The following PRKN variants were observed in gnomAD, a reference collection of about 807,000 sequenced individuals.
PRKN encodes the protein parkin RBR E3 ubiquitin protein ligase.
Under a neutral mutation model 59.5 loss-of-function variants are expected in PRKN, and 56 were observed. The ratio of observed to expected loss-of-function variants is 0.94; its 90% confidence interval spans 0.76 to 1.18. PRKN has a LOEUF of 1.18. PRKN is among the 50% of genes most tolerant of loss of function. The probability of loss-of-function intolerance (pLI) is 0.00; values close to 1 mark genes in which losing one functional copy is unlikely to be tolerated. For synonymous variants in PRKN, 250 were observed against 222.1 expected (o/e 1.13, Z -1.12); for missense variants, 657 against 596.4 (o/e 1.10, Z -1.06).
chr6:162,082,803 G>T (rs924586341), intron 4 of PRKN, among the ~76,000 whole-genome samples: 1 of 152,034 alleles, frequency 6.6e-6, no homozygotes, highest in African/African-American at 2.4e-5. Flanking sequence ...GAGGGAGAGA[G>T]ATGTGGGGAT....
intron 4 of PRKN, among the ~76,000 whole-genome samples, chr6:162,189,539 T>G (rs1191720474): frequency 4.0e-5 from 6 of 151,176 alleles, no homozygotes; most frequent in Admixed American, 4.0e-4. Context: ...ATAATAATAA[T>G]AGTAATAAGA....
intron 1 of PRKN, among the ~76,000 whole-genome samples, chr6:162,617,717 CCTGA>C (rs1373226047): frequency 9.2e-5 from 14 of 151,984 alleles, no homozygotes; most frequent in African/African-American, 3.4e-4. Flanking sequence ...TCTTTCTGTG[CCTGA>C]CTTATTTCAC....
At chr6:161,708,945 G>T (rs1284505248) in intron 7 of PRKN, among the ~76,000 whole-genome samples, 1 of 152,202 alleles carries the variant, frequency 6.6e-6, no homozygotes, top group Non-Finnish European at 1.5e-5. Flanking sequence ...GTGAAGGAAA[G>T]GTTACACATC....
intron 6 of PRKN, among the ~76,000 whole-genome samples, chr6:161,930,839 G>C (rs1562398153): frequency 6.6e-6 from 1 of 152,152 alleles, no homozygotes; most frequent in East Asian, 1.9e-4. Flanking sequence ...AGTGACACAA[G>C]AAAGAGTCCA....
chr6:162,493,966 T>G (rs867174109), intron 1 of PRKN, among the ~76,000 whole-genome samples: 33 of 152,204 alleles, frequency 2.2e-4, no homozygotes, highest in African/African-American at 8.0e-4. Context: ...CACTCTGCAA[T>G]GTGGTGACTG....
chr6:162,489,924 G>A (rs1440059464), intron 1 of PRKN, among the ~76,000 whole-genome samples: 1 of 152,128 alleles, frequency 6.6e-6, no homozygotes, highest in Non-Finnish European at 1.5e-5. Flanking sequence ...TTTCTAAGAA[G>A]TGTCTTTATA....
chr6:162,464,433 G>T (rs970020186), intron 1 of PRKN, among the ~76,000 whole-genome samples: 10 of 151,998 alleles, frequency 6.6e-5, no homozygotes, highest in Non-Finnish European at 2.9e-5. Context: ...ATTGAACTTT[G>T]ATTTTAAAAA....
Position 161,906,659 on chromosome 6 carries a change from C to CATATATATATATAATATAT in PRKN, c.734+66642_734+66643insATATATTATATATATATAT, listed in dbSNP as rs1297131189. Among the ~76,000 whole-genome samples, 26 of 116,628 alleles carry CATATATATATATAATATAT rather than the reference C, an allele frequency of 2.2e-4. 1 individual carries two copies. Among genetic ancestry groups the CATATATATATATAATATAT allele is most frequent in the African/African-American group, 8.1e-4 (23 of 28,248 alleles). 76.5% of individuals were successfully genotyped at this position (116,628 alleles called of 152,430 possible). ...AGAGGGACAAATCTAATAGAACATA[C>CATATATATATATAATATAT]ATATATATATATATATGTATATATG... On this transcript the variant is annotated intron_variant, in intron 6 of 11. Coordinates refer to ENST00000366898, the MANE Select transcript of PRKN (RefSeq NM_004562.3).
At chr6:162,010,269 A>ATT (rs1782447979) in intron 5 of PRKN, among the ~76,000 whole-genome samples, 1 of 127,950 alleles carries the variant, frequency 7.8e-6, no homozygotes, top group African/African-American at 3.0e-5. Context: ...TATTTTATAT[A>ATT]TATTATGTAT....
At chr6:162,630,761 C>T (rs1783081033) in intron 1 of PRKN, among the ~76,000 whole-genome samples, 1 of 152,020 alleles carries the variant, frequency 6.6e-6, no homozygotes, top group Admixed American at 6.6e-5. Flanking sequence ...AATCAGATAT[C>T]AATACATTGT....
intron 1 of PRKN, among the ~76,000 whole-genome samples, chr6:162,726,941 T>C (rs1779238989): frequency 6.6e-6 from 1 of 152,000 alleles, no homozygotes; most frequent in African/African-American, 2.4e-5. Flanking sequence ...CAAGTGTTCA[T>C]GAACAACTCT....
intron 7 of PRKN, among the ~76,000 whole-genome samples, chr6:161,766,284 A>C (rs1423193971): frequency 2.0e-5 from 3 of 150,600 alleles, no homozygotes. Context: ...ACTAAAACAG[A>C]AAAAACTTAT....
At chr6:162,479,039 CCT>C (rs1295766864) in intron 1 of PRKN, among the ~76,000 whole-genome samples, 1 of 152,068 alleles carries the variant, frequency 6.6e-6, no homozygotes, top group Non-Finnish European at 1.5e-5. Flanking sequence ...CATTTCCTTT[CCT>C]CTGTGATAAA....
intron 2 of PRKN, among the ~76,000 whole-genome samples, chr6:162,435,326 T>C (rs988718076): frequency 2.0e-5 from 3 of 152,204 alleles, no homozygotes; most frequent in African/African-American, 7.2e-5. Flanking sequence ...CTTCAGCATC[T>C]TATAAGCTAT....
chr6:161,593,375 T>A lies in PRKN; in HGVS notation c.872-23959A>T, dbSNP rs894146156. 2.5e-4 allele frequency among the ~76,000 whole-genome samples: 38 copies of A among 152,214 alleles called. No individual in the cohort carries two copies. Among genetic ancestry groups the A allele is most frequent in the African/African-American group, 8.7e-4 (36 of 41,540 alleles). On this transcript the variant is annotated intron_variant, in intron 7 of 11. Transcript: ENST00000366898. The surrounding 1 kb of genome is among the most constrained non-coding windows in gnomAD (Gnocchi z 4.8). ...GAAAGGTGCATAAACCTGCCCAGTGTCACAAAACTAATATATGGTGAGGCT... is the reference window on the plus strand; with the variant it reads ...GAAAGGTGCATAAACCTGCCCAGTGACACAAAACTAATATATGGTGAGGCT...
intron 6 of PRKN, among the ~76,000 whole-genome samples, chr6:161,920,404 A>G (rs1477041292): frequency 6.6e-6 from 1 of 151,832 alleles, no homozygotes; most frequent in Non-Finnish European, 1.5e-5. Context: ...AAAGGAAACC[A>G]TAAAACAATG....
intron 6 of PRKN, among the ~76,000 whole-genome samples, chr6:161,960,658 G>C (rs72571755): frequency 1.3e-5 from 2 of 152,186 alleles, no homozygotes; most frequent in South Asian, 2.1e-4. Flanking sequence ...GTGGAGTGAC[G>C]ATTAGTTACT....
intron 7 of PRKN, among the ~76,000 whole-genome samples, chr6:161,621,473 A>T (rs1338404780): frequency 6.6e-6 from 1 of 151,950 alleles, no homozygotes; most frequent in East Asian, 1.9e-4. Context: ...GGAGGAGGAG[A>T]GTGTATCCCA....
At chr6:162,699,897 T>G (rs148613351) in intron 1 of PRKN, among the ~76,000 whole-genome samples, 87 of 152,246 alleles carry the variant, frequency 5.7e-4, no homozygotes, top group Middle Eastern at 6.8e-3. Flanking sequence ...TGAATTTCAT[T>G]AACAAGAGAA....
Sources: gnomAD v4.1 joint callset for allele counts (sites outside exome capture counted in the v4.1 genomes callset) on GRCh38, gnomAD v4.1.1 for gene constraint, Gnocchi (gnomAD v3.1) non-coding constraint, MANE v1.5 for transcripts, NCBI Gene and HGNC (gene_info 2026-07-23, HGNC 2026-07-21) for gene names.